MYCBP2: variants seen among roughly 807,000 people sequenced by gnomAD.
MYCBP2 encodes the protein E3 ubiquitin-protein ligase MYCBP2.
A neutral mutation model predicts 525.3 loss-of-function variants in MYCBP2; 120 were observed. That is an observed-to-expected ratio of 0.23 (90% CI 0.20 to 0.27). The LOEUF (loss-of-function observed/expected upper bound fraction) is 0.27. MYCBP2 is among the 10% of genes least tolerant of loss of function. The probability of loss-of-function intolerance (pLI) is 1.00; values close to 1 mark genes in which losing one functional copy is unlikely to be tolerated. For missense variants in MYCBP2, 4,149 were observed against 5,657.1 expected, an observed-to-expected ratio of 0.73 and a Z score of 8.55; for synonymous variants, 1,894 against 1,955.8, an observed-to-expected ratio of 0.97 and a Z score of 0.83.
rs749913490 is a variant in MYCBP2, at chr13:77,059,508, T to C, written c.13140+15A>G. ...AACATGGACAATGGGATGGCCTGTG[T>C]CACTATATACTCACCTGGCAATCTG... On this transcript the variant is annotated intron_variant, in intron 77 of 82. Transcript: ENST00000544440. 5 of 1,582,992 alleles carry C rather than the reference T, an allele frequency of 3.2e-6. No individual in the cohort carries two copies. Among genetic ancestry groups the C allele is most frequent in the Admixed American group, 1.7e-5 (1 of 59,950 alleles).
intron 4 of MYCBP2, among the ~76,000 whole-genome samples, chr13:77,277,859 G>C (rs892918950): frequency 2.0e-4 from 31 of 152,260 alleles, no homozygotes; most frequent in African/African-American, 7.2e-4. Context: ...ACTTTAGATA[G>C]TTTAAAGACC....
At chr13:77,166,690 T>A (rs1421165431) in intron 40 of MYCBP2, 136 bp from the exon 41 acceptor site, 8 of 488,688 alleles carry the variant, frequency 1.6e-5, no homozygotes, top group Non-Finnish European at 2.4e-5. Context: ...TAAAATAGAA[T>A]AAAATGTTAC....
intron 26 of MYCBP2, among the ~76,000 whole-genome samples, chr13:77,200,309 A>G (rs2062345803): frequency 1.3e-5 from 2 of 152,326 alleles, no homozygotes; most frequent in Admixed American, 1.3e-4. Context: ...AAGATGAAAT[A>G]AATGAAGTGA....
intron 4 of MYCBP2, 122 bp from the exon 5 acceptor site, chr13:77,273,790 T>C: frequency 1.4e-6 from 1 of 713,748 alleles, no homozygotes; most frequent in Non-Finnish European, 2.0e-6. Flanking sequence ...ACAATTACTT[T>C]GCTTTAGTTT....
At chr13:77,226,019 A>G (rs189588959) in intron 18 of MYCBP2, among the ~76,000 whole-genome samples, 238 of 152,356 alleles carry the variant, frequency 1.6e-3, no homozygotes, top group African/African-American at 5.4e-3. Context: ...TAGATCTTAG[A>G]AAGGCTACAC....
At chr13:77,272,783 G>A (rs1010912468) in intron 5 of MYCBP2, among the ~76,000 whole-genome samples, 15 of 152,158 alleles carry the variant, frequency 9.9e-5, no homozygotes, top group African/African-American at 3.4e-4. Flanking sequence ...GCTATCTTTG[G>A]TCTGCTAATA....
Position 77,326,758 on chromosome 13 carries a change from C to T in MYCBP2, c.18G>A (p.Ala6=). Residue 6 remains alanine, a synonymous_variant, in exon 1 of 83, where the codon GCG becomes GCA. Coordinates refer to ENST00000544440, the MANE Select transcript of MYCBP2 (RefSeq NM_015057.5). The surrounding 1 kb of genome is among the most constrained non-coding windows in gnomAD (Gnocchi z 4.2). MMMCA[A]TASPAAASSG... is the part of the protein sequence containing the mutation. The stretch of plus-strand genomic sequence containing the variant: ...AGGAGGCGGCGGCGGGGGAGGCAGT[C>T]GCTGCGCACATCATCATCCTCGCCG... The T allele has an allele frequency of 2.8e-6, 4 of 1,417,214 alleles. No homozygotes were observed. The South Asian group carries it at 6.0e-5, about 21-fold the overall frequency. The allele number at this position is 1,417,214 out of a possible 1,614,324, so 87.8% of individuals were successfully genotyped here.
At chr13:77,304,243 T>A (rs2154371435) in intron 1 of MYCBP2, among the ~76,000 whole-genome samples, 1 of 152,312 alleles carries the variant, frequency 6.6e-6, no homozygotes, top group East Asian at 1.9e-4. Flanking sequence ...CATGAGCAGA[T>A]GAATGGATAA....
intron 26 of MYCBP2, among the ~76,000 whole-genome samples, chr13:77,202,153 T>A (rs2062678691): frequency 6.6e-6 from 1 of 150,430 alleles, no homozygotes; most frequent in African/African-American, 2.5e-5. Flanking sequence ...ACAAGACTAA[T>A]AAAGAAAAAA....
intron 52 of MYCBP2, among the ~76,000 whole-genome samples, chr13:77,132,373 A>G (rs2053034080): frequency 6.6e-6 from 1 of 152,154 alleles, no homozygotes; most frequent in African/African-American, 2.4e-5. Flanking sequence ...ACATTTGCCA[A>G]TTTTATCAAT....
rs914992700 is a variant in MYCBP2, at chr13:77,266,642, T to A, written c.1357+1199A>T. 2.0e-5 allele frequency among the ~76,000 whole-genome samples: 3 copies of A among 151,072 alleles called. No individual in the cohort carries two copies. The South Asian group carries it at 6.2e-4, about 31-fold the overall frequency. On this transcript the variant is annotated intron_variant, in intron 8 of 82. Coordinates refer to ENST00000544440, the MANE Select transcript of MYCBP2 (RefSeq NM_015057.5). ...AACATGATTACTTTCAATATATGTA[T>A]AAATATGTGGGGGGAGTGTGCATGT...
At chr13:77,320,771 T>A (rs576906899) in intron 1 of MYCBP2, among the ~76,000 whole-genome samples, 1 of 152,292 alleles carries the variant, frequency 6.6e-6, no homozygotes, top group South Asian at 2.1e-4. Context: ...TATACAATAT[T>A]CTTGCTAAAA....
chr13:77,085,620 T>C (rs554664065), intron 62 of MYCBP2, among the ~76,000 whole-genome samples: 2 of 152,308 alleles, frequency 1.3e-5, no homozygotes, highest in Admixed American at 1.3e-4. Context: ...TGAATTATAC[T>C]AGCTAATGGA....
chr13:77,246,717 T>C (rs2070090844), intron 15 of MYCBP2, among the ~76,000 whole-genome samples: 1 of 149,482 alleles, frequency 6.7e-6, no homozygotes, highest in Non-Finnish European at 1.5e-5. Context: ...TGAATAATGA[T>C]GTGAAAATCC....
At chr13:77,320,474 G>A (rs1041871304) in intron 1 of MYCBP2, among the ~76,000 whole-genome samples, 1 of 152,106 alleles carries the variant, frequency 6.6e-6, no homozygotes, top group African/African-American at 2.4e-5. Flanking sequence ...AAACATAGAA[G>A]AAATAACAGA....
chr13:77,213,468 GCT>G (rs2064330008), intron 21 of MYCBP2, among the ~76,000 whole-genome samples: 2 of 151,762 alleles, frequency 1.3e-5, no homozygotes, highest in African/African-American at 4.8e-5. Flanking sequence ...ACAGAGTGAG[GCT>G]CTGTCTCAAA....
At chr13:77,061,588 C>A in intron 75 of MYCBP2, 74 bp downstream of exon 75, 1 of 1,537,692 alleles carries the variant, frequency 6.5e-7, no homozygotes, top group Non-Finnish European at 8.8e-7. Flanking sequence ...CCCCCTACTA[C>A]ACAAAGCCTC....
At chr13:77,069,235 A>T (rs1309985077) in intron 69 of MYCBP2, among the ~76,000 whole-genome samples, 1 of 152,238 alleles carries the variant, frequency 6.6e-6, no homozygotes, top group Non-Finnish European at 1.5e-5. Flanking sequence ...ACATTTTACA[A>T]TTGAAAGCAT....
intron 21 of MYCBP2, among the ~76,000 whole-genome samples, chr13:77,212,402 T>C (rs2064145898): frequency 6.6e-6 from 1 of 152,176 alleles, no homozygotes; most frequent in South Asian, 2.1e-4. Context: ...AAAAAAAGTT[T>C]GAAATATTTT....
Sources: allele counts gnomAD v4.1 joint callset (sites outside exome capture counted in the v4.1 genomes callset), GRCh38; gene constraint gnomAD v4.1.1; non-coding constraint Gnocchi (gnomAD v3.1); transcripts MANE v1.5; gene names NCBI Gene and HGNC (gene_info 2026-07-23, HGNC 2026-07-21).